The following SGCZ variants were observed in gnomAD, a reference collection of about 807,000 sequenced individuals.
SGCZ encodes the protein sarcoglycan zeta.
Under a neutral mutation model 41.3 loss-of-function variants are expected in SGCZ, and 40 were observed. The ratio of observed to expected loss-of-function variants is 0.97; its 90% CI spans 0.75 to 1.26. SGCZ has a LOEUF of 1.26. Among genes scored for constraint, SGCZ ranks in the 50% most tolerant of loss-of-function variants. SGCZ has a pLI of 0.00. For synonymous variants in SGCZ, 206 were observed against 137.5 expected, an observed-to-expected ratio of 1.50 and a Z score of -3.49; for missense variants, 552 against 369.8, an observed-to-expected ratio of 1.49 and a Z score of -4.04.
chr8:14,906,789 G>C (rs1040370817), intron 1 of SGCZ, among the ~76,000 whole-genome samples: 3 of 152,154 alleles, frequency 2.0e-5, no homozygotes, highest in African/African-American at 4.8e-5. Context: ...ATTAGCTCTA[G>C]AAAAGAGCTA....
chr8:14,700,156 G>C (rs1007377964), intron 1 of SGCZ, among the ~76,000 whole-genome samples: 1 of 151,836 alleles, frequency 6.6e-6, no homozygotes, highest in Non-Finnish European at 1.5e-5. Flanking sequence ...ACATGCACTA[G>C]AACGCTCGCT....
At position 14,481,123 on chromosome 8, in the gene SGCZ, C is replaced by T. The variant is rs142954835; in HGVS notation, c.234+73609G>A. Among the ~76,000 whole-genome samples, 663 of 152,064 alleles carry T rather than the reference C, an allele frequency of 4.4e-3. 4 individuals carry two copies. The highest frequency in any genetic ancestry group is 0.015 in the African/African-American group (604 of 41,482). On this transcript the variant is annotated intron_variant, in intron 2 of 7. Transcript: ENST00000382080. ...AATATATAAAGAATAATACAAATAA[C>T]CCAATTAAATAATGCACAAATGATA...
intron 1 of SGCZ, among the ~76,000 whole-genome samples, chr8:15,195,771 T>C (rs1800704676): frequency 6.6e-6 from 1 of 152,162 alleles, no homozygotes; most frequent in African/African-American, 2.4e-5. Flanking sequence ...CCTCCCACAT[T>C]TCAGTGTGAA....
chr8:14,976,904 G>C (rs1563405443), intron 1 of SGCZ, among the ~76,000 whole-genome samples: 1 of 152,180 alleles, frequency 6.6e-6, no homozygotes, highest in Non-Finnish European at 1.5e-5. Context: ...AAAAAGATTG[G>C]CTTTAAAATT....
intron 2 of SGCZ, among the ~76,000 whole-genome samples, chr8:14,348,864 T>A (rs1802986692): frequency 6.6e-6 from 1 of 152,154 alleles, no homozygotes; most frequent in South Asian, 2.1e-4. Context: ...TACAAAACTC[T>A]TCATTTAATT....
chr8:15,042,825 G>C (rs996091208), intron 1 of SGCZ, among the ~76,000 whole-genome samples: 3 of 152,080 alleles, frequency 2.0e-5, no homozygotes, highest in Non-Finnish European at 4.4e-5. Context: ...TTTTCGCTCG[G>C]TCAAACCCAG....
intron 1 of SGCZ, among the ~76,000 whole-genome samples, chr8:14,673,384 A>G (rs547111748): frequency 6.6e-6 from 1 of 152,124 alleles, no homozygotes; most frequent in Non-Finnish European, 1.5e-5. Flanking sequence ...TGGTGGTTTT[A>G]TAAGTGGCAG....
chr8:15,177,085 G>C lies in SGCZ; in HGVS notation c.39+60500C>G, dbSNP rs1301628789. Among the ~76,000 whole-genome samples, 4 of 152,138 alleles carry C rather than the reference G, an allele frequency of 2.6e-5. No homozygotes were observed. The East Asian group carries it at 7.7e-4, about 29-fold the overall frequency. ...TTTTAATGTGTGAGCATTATTCTAG[G>C]GAAGAAATTGTAGATAATTTATTTT... On this transcript the variant is annotated intron_variant, in intron 1 of 7. Transcript: ENST00000382080.
chr8:14,706,410 G>T (rs1809334208), intron 1 of SGCZ, among the ~76,000 whole-genome samples: 2 of 152,058 alleles, frequency 1.3e-5, no homozygotes, highest in Admixed American at 1.3e-4. Context: ...ACTTAAGGAT[G>T]TTCTTAAGCT....
At chr8:14,886,007 ATATAT>A (rs1804784201) in intron 1 of SGCZ, among the ~76,000 whole-genome samples, 1 of 116,432 alleles carries the variant, frequency 8.6e-6, no homozygotes, top group Non-Finnish European at 1.8e-5. Flanking sequence ...ATATATATAT[ATATAT>A]ATATATATAT....
chr8:15,162,077 T>C (rs575008380), intron 1 of SGCZ, among the ~76,000 whole-genome samples: 37 of 152,298 alleles, frequency 2.4e-4, no homozygotes, highest in African/African-American at 7.7e-4. Flanking sequence ...ACAGAATCAG[T>C]TTCTTAAAGA....
intron 1 of SGCZ, among the ~76,000 whole-genome samples, chr8:14,794,417 T>A (rs184687899): frequency 8.0e-4 from 122 of 152,204 alleles, no homozygotes; most frequent in Non-Finnish European, 1.5e-3. Flanking sequence ...CTCAAAATAT[T>A]TTTCTGAAAC....
intron 5 of SGCZ, among the ~76,000 whole-genome samples, chr8:14,153,437 G>C (rs1263814275): frequency 1.3e-5 from 2 of 152,080 alleles, no homozygotes; most frequent in Admixed American, 1.3e-4. Context: ...ACCTAACCTG[G>C]TCAGAGTAAT....
chr8:14,207,243 GT>G (rs1230411043), intron 4 of SGCZ, among the ~76,000 whole-genome samples: 3 of 108,232 alleles, frequency 2.8e-5, no homozygotes, highest in Non-Finnish European at 5.7e-5. Flanking sequence ...TATTTAACTA[GT>G]TTTTTCAATT....
At chr8:15,116,172 C>T (rs968638919) in intron 1 of SGCZ, among the ~76,000 whole-genome samples, 5 of 152,114 alleles carry the variant, frequency 3.3e-5, no homozygotes, top group Admixed American at 6.5e-5. Flanking sequence ...GGTGCTACAT[C>T]CCATACAACT....
At chr8:14,160,882 A>G (rs1043305431) in intron 5 of SGCZ, among the ~76,000 whole-genome samples, 4 of 152,216 alleles carry the variant, frequency 2.6e-5, no homozygotes, top group African/African-American at 9.6e-5. Flanking sequence ...CCTTGTCTAA[A>G]TGAATCCATC....
chr8:14,972,094 A>T (rs545171809), intron 1 of SGCZ, among the ~76,000 whole-genome samples: 1 of 152,058 alleles, frequency 6.6e-6, no homozygotes, highest in East Asian at 1.9e-4. Context: ...GGAGGATGTT[A>T]TGTAGACTTT....
intron 3 of SGCZ, among the ~76,000 whole-genome samples, chr8:14,308,518 C>G (rs935839676): frequency 5.3e-5 from 8 of 151,912 alleles, no homozygotes; most frequent in Non-Finnish European, 1.0e-4. Flanking sequence ...GCATTGCAAA[C>G]TCGTGCCATT....
At chr8:15,208,355 A>G (rs1390661672) in intron 1 of SGCZ, among the ~76,000 whole-genome samples, 1 of 152,174 alleles carries the variant, frequency 6.6e-6, no homozygotes, top group Non-Finnish European at 1.5e-5. Flanking sequence ...TGACTAACGC[A>G]TCCAAATAAT....
Sources: allele counts gnomAD v4.1 joint callset (sites outside exome capture counted in the v4.1 genomes callset), GRCh38; gene constraint gnomAD v4.1.1; transcripts MANE v1.5; gene names NCBI Gene and HGNC (gene_info 2026-07-23, HGNC 2026-07-21).